The following NUBPL variants were observed in gnomAD, a reference collection of about 807,000 sequenced individuals.
NUBPL encodes iron-sulfur cluster transfer protein NUBPL.
Under a neutral mutation model 45.7 loss-of-function variants are expected in NUBPL, and 31 were observed. The ratio of observed to expected loss-of-function variants is 0.68; its 90% confidence interval spans 0.51 to 0.92. The LOEUF (loss-of-function observed/expected upper bound fraction) is 0.92, where lower values mean the gene tolerates loss of function less well. Ranked by LOEUF, NUBPL falls within the 40% of genes least tolerant of loss-of-function variation. NUBPL has a pLI of 0.00. For missense variants in NUBPL, 401 were observed against 398.7 expected, an observed-to-expected ratio of 1.01 and a Z score of -0.05; for synonymous variants, 144 against 140.9, an observed-to-expected ratio of 1.02 and a Z score of -0.15.
chr14:31,591,376 G>A (rs897423816), intron 3 of NUBPL, among the ~76,000 whole-genome samples: 1 of 152,104 alleles, frequency 6.6e-6, no homozygotes, highest in Non-Finnish European at 1.5e-5. Flanking sequence ...TGGCCAGGCT[G>A]CTCTTGAACT....
intron 6 of NUBPL, among the ~76,000 whole-genome samples, chr14:31,760,646 G>C (rs963678801): frequency 2.0e-5 from 3 of 151,882 alleles, no homozygotes; most frequent in African/African-American, 7.3e-5. Flanking sequence ...TAAATGACAG[G>C]ATTTCCTTCC....
chr14:31,598,083 T>C (rs1056799676), intron 3 of NUBPL, among the ~76,000 whole-genome samples: 3 of 152,178 alleles, frequency 2.0e-5, no homozygotes, highest in African/African-American at 7.2e-5. Flanking sequence ...ATTTTTCTCA[T>C]TTATTTTACA....
At chr14:31,579,365 A>G (rs2033803421) in intron 3 of NUBPL, among the ~76,000 whole-genome samples, 1 of 152,228 alleles carries the variant, frequency 6.6e-6, no homozygotes, top group South Asian at 2.1e-4. Flanking sequence ...TAGGCTATTT[A>G]AAACATTGTG....
chr14:31,597,428 C>G (rs528552407), intron 3 of NUBPL, among the ~76,000 whole-genome samples: 2 of 152,192 alleles, frequency 1.3e-5, no homozygotes, highest in Admixed American at 6.5e-5. Context: ...TTTAGGCAAG[C>G]TTGGTATTCT....
intron 4 of NUBPL, among the ~76,000 whole-genome samples, chr14:31,672,428 G>T (rs946046739): frequency 6.6e-6 from 1 of 152,050 alleles, no homozygotes; most frequent in Non-Finnish European, 1.5e-5. Flanking sequence ...CTATTTTTTA[G>T]AAACATTTTA....
At position 31,808,629 on chromosome 14, in the gene NUBPL, G is replaced by T. The variant is rs575481067; in HGVS notation, c.608-18000G>T. Among the ~76,000 whole-genome samples the T allele has an allele frequency of 2.5e-3, 385 of 152,198 alleles. 3 individuals are homozygous for T. Among genetic ancestry groups the T allele is most frequent in the African/African-American group, 8.7e-3 (361 of 41,524 alleles). On this transcript the variant is annotated intron_variant, in intron 7 of 10. Transcript: ENST00000281081. The stretch of plus-strand genomic sequence containing the variant: ...CTTCATTTCTTTCTCTTGCCTGATT[G>T]CCCTGGCCAGAACTTCCAACACTGT...
chr14:31,690,982 T>C (rs2037079326), intron 6 of NUBPL, among the ~76,000 whole-genome samples: 1 of 152,200 alleles, frequency 6.6e-6, no homozygotes, highest in Non-Finnish European at 1.5e-5. Context: ...TTTTATGACA[T>C]GGACACTTCT....
chr14:31,767,995 A>G (rs2038943850), intron 6 of NUBPL, among the ~76,000 whole-genome samples: 1 of 152,234 alleles, frequency 6.6e-6, no homozygotes, highest in African/African-American at 2.4e-5. Flanking sequence ...TGGTTTAGAA[A>G]AAGTTTGTTG....
chr14:31,580,130 A>G (rs1336929455), intron 3 of NUBPL, among the ~76,000 whole-genome samples: 2 of 152,214 alleles, frequency 1.3e-5, no homozygotes, highest in African/African-American at 4.8e-5. Context: ...AAATAAGGAT[A>G]ATTTTATTAA....
chr14:31,674,325 C>A (rs557420832), intron 6 of NUBPL, among the ~76,000 whole-genome samples: 1 of 152,128 alleles, frequency 6.6e-6, no homozygotes, highest in African/African-American at 2.4e-5. Flanking sequence ...ATGGTAGATA[C>A]TCCTATATTC....
intron 7 of NUBPL, chr14:31,801,128 C>G (rs2039581125): frequency 6.6e-6 from 1 of 152,352 alleles, no homozygotes; most frequent in Non-Finnish European, 1.5e-5. Flanking sequence ...ATAGAAGAAG[C>G]TATGGCTCTT....
chr14:31,781,523 T>G (rs1261588867), intron 6 of NUBPL, among the ~76,000 whole-genome samples: 1 of 152,174 alleles, frequency 6.6e-6, no homozygotes, highest in Non-Finnish European at 1.5e-5. Flanking sequence ...AAAGAGAAAC[T>G]TATTTGTAAT....
chr14:31,788,018 A>G (rs1042575800), intron 7 of NUBPL, 145 bp downstream of exon 7: 1 of 622,726 alleles, frequency 1.6e-6, no homozygotes, highest in African/African-American at 1.8e-5. Flanking sequence ...TCAGAAGCAT[A>G]AATTATTCAA....
At chr14:31,829,196 C>A (rs2040151478) in intron 8 of NUBPL, among the ~76,000 whole-genome samples, 1 of 151,760 alleles carries the variant, frequency 6.6e-6, no homozygotes, top group South Asian at 2.1e-4. Flanking sequence ...GTAATTCTTC[C>A]AAGTTGAAAT....
chr14:31,761,252 C>G (rs148545139), intron 6 of NUBPL, among the ~76,000 whole-genome samples: 2 of 152,056 alleles, frequency 1.3e-5, no homozygotes, highest in Admixed American at 6.6e-5. Flanking sequence ...AATCATAGCT[C>G]ACTGCAGCCT....
At chr14:31,700,263 C>G (rs1425464027) in intron 6 of NUBPL, among the ~76,000 whole-genome samples, 1 of 152,232 alleles carries the variant, frequency 6.6e-6, no homozygotes, top group Admixed American at 6.5e-5. Context: ...TAAAACCCAA[C>G]AGCTCTTTTC....
intron 4 of NUBPL, among the ~76,000 whole-genome samples, chr14:31,637,172 TG>T (rs1435640892): frequency 6.6e-6 from 1 of 152,060 alleles, no homozygotes; most frequent in East Asian, 1.9e-4. Flanking sequence ...TTCTTTTAAT[TG>T]TGATGTTAGG....
intron 7 of NUBPL, among the ~76,000 whole-genome samples, chr14:31,792,748 T>C (rs2039405952): frequency 6.6e-6 from 1 of 152,142 alleles, no homozygotes; most frequent in Admixed American, 6.5e-5. Context: ...AAAAGGATGT[T>C]GAAGGGAATT....
intron 6 of NUBPL, among the ~76,000 whole-genome samples, chr14:31,693,485 T>G (rs2139868909): frequency 6.6e-6 from 1 of 152,310 alleles, no homozygotes; most frequent in African/African-American, 2.4e-5. Flanking sequence ...TGCCTAAGTG[T>G]CAGAGAGATA....
Sources: allele counts gnomAD v4.1 joint callset (sites outside exome capture counted in the v4.1 genomes callset), GRCh38; gene constraint gnomAD v4.1.1; transcripts MANE v1.5; gene names NCBI Gene and HGNC (gene_info 2026-07-23, HGNC 2026-07-21).